The following C1orf21 variants were observed in gnomAD, a reference collection of about 807,000 sequenced individuals.
C1orf21 encodes chromosome 1 open reading frame 21.
A neutral mutation model predicts 18.7 loss-of-function variants in C1orf21; 3 were observed. That is an observed-to-expected ratio of 0.16 (90% CI 0.07 to 0.42). C1orf21 has a LOEUF of 0.42. C1orf21 is among the 10% of genes least tolerant of loss of function. The probability of loss-of-function intolerance (pLI) is 0.99; values close to 1 mark genes in which losing one functional copy is unlikely to be tolerated. For synonymous variants in C1orf21, 41 were observed against 46.4 expected (o/e 0.88, Z 0.47); for missense variants, 104 against 143.6 (o/e 0.72, Z 1.41).
At chr1:184,423,091 A>G (rs1656571722) in intron 1 of C1orf21, among the ~76,000 whole-genome samples, 1 of 152,256 alleles carries the variant, frequency 6.6e-6, no homozygotes, top group Non-Finnish European at 1.5e-5. Context: ...GTTGTTATAA[A>G]GAGCCAAGGA....
At chr1:184,486,593 C>T (rs1022899204) in intron 2 of C1orf21, among the ~76,000 whole-genome samples, 4 of 152,216 alleles carry the variant, frequency 2.6e-5, no homozygotes, top group Middle Eastern at 3.4e-3. Context: ...TGCTAGATGC[C>T]GCCTTGATGC....
chr1:184,606,430 A>G (rs1659647347), intron 5 of C1orf21, among the ~76,000 whole-genome samples: 1 of 152,166 alleles, frequency 6.6e-6, no homozygotes, highest in Non-Finnish European at 1.5e-5. Flanking sequence ...AAAAATAAAA[A>G]TTAGCCAGGT....
intron 1 of C1orf21, among the ~76,000 whole-genome samples, chr1:184,422,403 A>G (rs558303429): frequency 4.2e-4 from 64 of 152,228 alleles, no homozygotes; most frequent in Non-Finnish European, 9.1e-4. Flanking sequence ...AGCACCTTGC[A>G]TAGGTCTGGT....
chr1:184,543,051 G>A (rs1658679313), intron 3 of C1orf21, among the ~76,000 whole-genome samples: 1 of 152,162 alleles, frequency 6.6e-6, no homozygotes, highest in Admixed American at 6.5e-5. Flanking sequence ...ACCTTGCTGT[G>A]GGAACCAACA....
intron 1 of C1orf21, among the ~76,000 whole-genome samples, chr1:184,415,814 CA>C (rs1314698246): frequency 6.6e-6 from 1 of 152,218 alleles, no homozygotes. Flanking sequence ...CCTTCTCCTG[CA>C]GCACTGATTA....
chr1:184,552,117 C>T (rs1017590690), intron 3 of C1orf21, among the ~76,000 whole-genome samples: 1 of 152,078 alleles, frequency 6.6e-6, no homozygotes, highest in Non-Finnish European at 1.5e-5. Flanking sequence ...CCCAGGAATA[C>T]TGTTGCAATA....
intron 1 of C1orf21, among the ~76,000 whole-genome samples, chr1:184,416,904 G>T (rs1656461793): frequency 1.3e-5 from 2 of 152,106 alleles, no homozygotes; most frequent in Non-Finnish European, 2.9e-5. Context: ...TGACACATTT[G>T]TTTTAAAACA....
chr1:184,488,318 C>G (rs1434736268), intron 2 of C1orf21, among the ~76,000 whole-genome samples: 1 of 152,112 alleles, frequency 6.6e-6, no homozygotes, highest in East Asian at 1.9e-4. Flanking sequence ...AAAGAAATCC[C>G]ACCATAGAGG....
intron 1 of C1orf21, among the ~76,000 whole-genome samples, chr1:184,417,240 G>C (rs1387198279): frequency 1.3e-5 from 2 of 152,110 alleles, no homozygotes; most frequent in Non-Finnish European, 2.9e-5. Flanking sequence ...GAAAAGAAAA[G>C]CTGCATAAAA....
At chr1:184,458,002 T>C (rs1657247114) in intron 1 of C1orf21, among the ~76,000 whole-genome samples, 1 of 152,200 alleles carries the variant, frequency 6.6e-6, no homozygotes. Flanking sequence ...TAGATAGTAT[T>C]ATACCCATTT....
chr1:184,514,548 A>G (rs1658196197), intron 3 of C1orf21, among the ~76,000 whole-genome samples: 1 of 152,162 alleles, frequency 6.6e-6, no homozygotes, highest in African/African-American at 2.4e-5. Flanking sequence ...GTATTCAAAT[A>G]CTAGTGGTAA....
chr1:184,496,198 T>TA (rs1283650634), intron 2 of C1orf21, among the ~76,000 whole-genome samples: 1 of 152,140 alleles, frequency 6.6e-6, no homozygotes, highest in Non-Finnish European at 1.5e-5. Context: ...CACAAACAGA[T>TA]AATTTCTGGG....
At chr1:184,574,556 T>TTA (rs748487269) in intron 3 of C1orf21, among the ~76,000 whole-genome samples, 2 of 152,350 alleles carry the variant, frequency 1.3e-5, no homozygotes, top group Non-Finnish European at 2.9e-5. Context: ...ATATGATTCA[T>TTA]TAAAGCTCCT....
intron 1 of C1orf21, among the ~76,000 whole-genome samples, chr1:184,407,652 A>G (rs917238396): frequency 1.3e-5 from 2 of 152,202 alleles, no homozygotes; most frequent in African/African-American, 4.8e-5. Flanking sequence ...TGGTAGCTAT[A>G]ATAAATCTCT....
At chr1:184,389,592 A>G (rs1269863370) in intron 1 of C1orf21, among the ~76,000 whole-genome samples, 2 of 152,238 alleles carry the variant, frequency 1.3e-5, no homozygotes, top group East Asian at 3.9e-4. Context: ...ATTTGCTATG[A>G]CTTATTCAAA....
intron 3 of C1orf21, among the ~76,000 whole-genome samples, chr1:184,523,845 A>G (rs1410024021): frequency 6.6e-6 from 1 of 152,168 alleles, no homozygotes; most frequent in Non-Finnish European, 1.5e-5. Context: ...AGTGTTCTAT[A>G]ATACTTTGTA....
At chr1:184,430,716 T>G (rs1385933683) in intron 1 of C1orf21, among the ~76,000 whole-genome samples, 1 of 152,202 alleles carries the variant, frequency 6.6e-6, no homozygotes, top group African/African-American at 2.4e-5. Flanking sequence ...TGGTTCTAAT[T>G]AGCCTTGGAA....
At chr1:184,607,965 G>A (rs557141051) in intron 5 of C1orf21, among the ~76,000 whole-genome samples, 2 of 152,096 alleles carry the variant, frequency 1.3e-5, no homozygotes, top group South Asian at 4.2e-4. Flanking sequence ...GTTTTTATCT[G>A]TTATATATTT....
chr1:184,549,318 C>A (rs1320265987), intron 3 of C1orf21, among the ~76,000 whole-genome samples: 1 of 152,134 alleles, frequency 6.6e-6, no homozygotes, highest in Non-Finnish European at 1.5e-5. Context: ...AGTGTGACGC[C>A]TTCTTTAAAG....
Sources: allele counts gnomAD v4.1 joint callset (sites outside exome capture counted in the v4.1 genomes callset), GRCh38; gene constraint gnomAD v4.1.1; transcripts MANE v1.5; gene names NCBI Gene and HGNC (gene_info 2026-07-23, HGNC 2026-07-21).